The following TCF12 variants were observed in gnomAD, a reference collection of about 807,000 sequenced individuals.
The protein encoded by TCF12 is transcription factor 12, also known as DNA-binding protein HTF4.
In TCF12, 45 loss-of-function variants were observed where a neutral mutation model predicts 86.0. The observed-to-expected ratio is 0.52, with a 90% confidence interval of 0.41 to 0.67. TCF12 has a LOEUF of 0.67. Among genes scored for constraint, TCF12 ranks in the 30% least tolerant of loss-of-function variants. The pLI is 0.00. For synonymous variants in TCF12, 330 were observed against 299.6 expected, an observed-to-expected ratio of 1.10 and a Z score of -1.05; for missense variants, 881 against 859.9, an observed-to-expected ratio of 1.02 and a Z score of -0.31.
intron 3 of TCF12, among the ~76,000 whole-genome samples, chr15:56,990,283 G>T (rs114935547): frequency 0.012 from 1,742 of 149,946 alleles, 32 homozygotes; most frequent in African/African-American, 0.04. Flanking sequence ...GAAAGAAAAT[G>T]TGTTTTAGGC....
intron 3 of TCF12, among the ~76,000 whole-genome samples, chr15:56,967,772 G>A (rs2062075341): frequency 6.6e-6 from 1 of 152,124 alleles, no homozygotes; most frequent in Non-Finnish European, 1.5e-5. Flanking sequence ...AAGTATCAAG[G>A]CAGATGCTTT....
At chr15:57,271,833 A>G (rs1024695699) in intron 18 of TCF12, among the ~76,000 whole-genome samples, 4 of 152,218 alleles carry the variant, frequency 2.6e-5, no homozygotes, top group Admixed American at 1.3e-4. Context: ...TTTTAAATAT[A>G]CAGTCTTTAT....
At chr15:57,022,160 T>C (rs1043119363) in intron 3 of TCF12, among the ~76,000 whole-genome samples, 1 of 152,158 alleles carries the variant, frequency 6.6e-6, no homozygotes, top group African/African-American at 2.4e-5. Flanking sequence ...GTTGGTTTGC[T>C]GCACCCCTCA....
intron 5 of TCF12, chr15:57,129,975 A>AGGT (rs2051980373): frequency 6.6e-6 from 1 of 152,246 alleles, no homozygotes; most frequent in African/African-American, 2.4e-5. Context: ...TCCTTGGAGT[A>AGGT]GGTAAACTTA....
chr15:57,095,083 C>T (rs2049234910), intron 5 of TCF12, among the ~76,000 whole-genome samples: 1 of 152,120 alleles, frequency 6.6e-6, no homozygotes, highest in South Asian at 2.1e-4. Context: ...GCAGAAATCT[C>T]CTGTGGATAT....
intron 5 of TCF12, among the ~76,000 whole-genome samples, chr15:57,095,885 A>G (rs770016374): frequency 3.9e-5 from 6 of 152,186 alleles, no homozygotes; most frequent in Non-Finnish European, 8.8e-5. Flanking sequence ...GAAAAAGGCC[A>G]CAACTAGAAT....
chr15:56,969,099 A>T (rs532505488), intron 3 of TCF12, among the ~76,000 whole-genome samples: 46 of 152,278 alleles, frequency 3.0e-4, no homozygotes, highest in Non-Finnish European at 4.7e-4. Context: ...TCCTTTGTCA[A>T]CAAGGAATTT....
intron 3 of TCF12, among the ~76,000 whole-genome samples, chr15:57,005,253 G>A (rs2064285294): frequency 1.3e-5 from 2 of 152,168 alleles, no homozygotes; most frequent in South Asian, 4.1e-4. Context: ...AAGTTAAATT[G>A]ATTTCCTTAG....
chr15:57,275,554 A>C (rs2061365841), intron 19 of TCF12, among the ~76,000 whole-genome samples: 1 of 151,924 alleles, frequency 6.6e-6, no homozygotes, highest in African/African-American at 2.4e-5. Flanking sequence ...ACACCTTCAG[A>C]GTTTTGTATA....
chr15:57,028,625 T>C (rs2566853), intron 3 of TCF12, among the ~76,000 whole-genome samples: 152,040 of 152,284 alleles, frequency 1, 75,900 homozygotes, highest in East Asian at 1. Flanking sequence ...TATTTTCTCC[T>C]AGCCTTTTCA....
intron 3 of TCF12, among the ~76,000 whole-genome samples, chr15:56,953,878 CTTTT>C (rs1223090053): frequency 3.0e-5 from 4 of 131,644 alleles, no homozygotes; most frequent in African/African-American, 8.2e-5. Context: ...GTTCCTTGGC[CTTTT>C]TTTTTTTTTT....
chr15:57,202,030 A>G (rs1247346944), intron 8 of TCF12, among the ~76,000 whole-genome samples: 1 of 152,186 alleles, frequency 6.6e-6, no homozygotes, highest in Non-Finnish European at 1.5e-5. Context: ...TTAGTGGTGC[A>G]AGACTTCATG....
intron 6 of TCF12, among the ~76,000 whole-genome samples, chr15:57,185,923 CA>C (rs1159340431): frequency 5.3e-4 from 80 of 152,026 alleles, no homozygotes; most frequent in African/African-American, 1.6e-3. Context: ...ACAGAATTGA[CA>C]AACCTTTAGC....
At chr15:57,003,451 A>G (rs547281553) in intron 3 of TCF12, among the ~76,000 whole-genome samples, 2 of 152,352 alleles carry the variant, frequency 1.3e-5, no homozygotes, top group Non-Finnish European at 1.5e-5. Flanking sequence ...TATTTTCTCC[A>G]TGATGCACAT....
intron 3 of TCF12, among the ~76,000 whole-genome samples, chr15:57,005,409 T>C (rs12441185): frequency 0.04 from 6,154 of 152,324 alleles, 374 homozygotes; most frequent in Admixed American, 0.17. Flanking sequence ...ATCAGTGGTC[T>C]GTGGAATAAA....
At chr15:57,068,237 G>T (rs1232843229) in intron 4 of TCF12, among the ~76,000 whole-genome samples, 2 of 152,134 alleles carry the variant, frequency 1.3e-5, no homozygotes, top group Non-Finnish European at 2.9e-5. Flanking sequence ...AGGATTAAAT[G>T]AGGCAATATA....
At chr15:57,255,164 G>C (rs1212722992) in intron 16 of TCF12, among the ~76,000 whole-genome samples, 1 of 151,966 alleles carries the variant, frequency 6.6e-6, no homozygotes, top group Non-Finnish European at 1.5e-5. Context: ...CAACTTATCA[G>C]CTACAGTATT....
At chr15:57,136,630 A>G (rs1365301887) in intron 5 of TCF12, among the ~76,000 whole-genome samples, 1 of 152,240 alleles carries the variant, frequency 6.6e-6, no homozygotes, top group African/African-American at 2.4e-5. Flanking sequence ...AGAGACATCA[A>G]AATAAGTATT....
intron 3 of TCF12, among the ~76,000 whole-genome samples, chr15:56,987,275 G>A (rs779474636): frequency 9.9e-5 from 15 of 151,912 alleles, no homozygotes; most frequent in East Asian, 3.9e-4. Context: ...CACCACGCCC[G>A]GCTAATTTTT....
Sources: gnomAD v4.1 joint callset for allele counts (sites outside exome capture counted in the v4.1 genomes callset) on GRCh38, gnomAD v4.1.1 for gene constraint, MANE v1.5 for transcripts, NCBI Gene and HGNC (gene_info 2026-07-23, HGNC 2026-07-21) for gene names.